The following CDH18 variants were observed in gnomAD, a reference collection of about 807,000 sequenced individuals.
The protein encoded by CDH18 is cadherin-18.
A neutral mutation model predicts 67.9 loss-of-function variants in CDH18; 31 were observed. That is an observed-to-expected ratio of 0.46 (90% CI 0.34 to 0.62). CDH18 has a LOEUF of 0.62. Among genes scored for constraint, CDH18 ranks in the 20% least tolerant of loss-of-function variants. The pLI is 0.01. For missense variants in CDH18, 890 were observed against 975.5 expected (o/e 0.91, Z 1.17); for synonymous variants, 362 against 347.2 (o/e 1.04, Z -0.48).
chr5:19,485,637 T>C (rs986845798), intron 11 of CDH18, among the ~76,000 whole-genome samples: 1 of 152,120 alleles, frequency 6.6e-6, no homozygotes, highest in African/African-American at 2.4e-5. Flanking sequence ...AATTTATCAG[T>C]CATGTTTACT....
At chr5:20,060,453 G>A (rs1742368914) in intron 2 of CDH18, among the ~76,000 whole-genome samples, 1 of 151,712 alleles carries the variant, frequency 6.6e-6, no homozygotes, top group Admixed American at 6.6e-5. Context: ...GACAAAGCGA[G>A]ATTCTGTCTC....
chr5:20,500,411 T>C lies in CDH18; in HGVS notation c.-580+75051A>G, dbSNP rs553004456. On this transcript the variant is annotated intron_variant, in intron 1 of 14. Transcript: ENST00000507958. Reference sequence around the variant, plus strand: ...CAAGGAAACAAATTCTAATATTTAATATACCAAATATCCCTGGACTATAAC... The same window carrying C: ...CAAGGAAACAAATTCTAATATTTAACATACCAAATATCCCTGGACTATAAC... Among the ~76,000 whole-genome samples the C allele has an allele frequency of 1.1e-4, 17 of 152,280 alleles. No individual in the cohort carries two copies. The East Asian group carries it at 2.3e-3, about 21-fold the overall frequency.
chr5:20,252,713 G>A (rs983690468), intron 2 of CDH18, among the ~76,000 whole-genome samples: 2 of 151,938 alleles, frequency 1.3e-5, no homozygotes, highest in African/African-American at 4.8e-5. Flanking sequence ...AGAGGCGGGC[G>A]GATCACGAGG....
In CDH18 at chr5:19,871,477, C is replaced by T. The variant is rs1480723113; in HGVS notation, c.-256-32235G>A. ...CAAAGCAAAGCGAAATGAAATAGCA[C>T]ATAGCGTTTGAATGCAGACTCCAGA... On this transcript the variant is annotated intron_variant, in intron 2 of 12. Transcript: ENST00000382275. Among the ~76,000 whole-genome samples, 6 of 152,146 alleles carry T rather than the reference C, an allele frequency of 3.9e-5. 1 individual carries two copies. Among genetic ancestry groups the T allele is most frequent in the Non-Finnish European group, 5.9e-5 (4 of 68,022 alleles).
intron 9 of CDH18, among the ~76,000 whole-genome samples, chr5:19,537,405 C>A (rs189322643): frequency 2.6e-5 from 4 of 152,068 alleles, no homozygotes. Context: ...ATTTATCAAT[C>A]TATTTCCAGA....
At chr5:19,965,569 T>C (rs185420238) in intron 2 of CDH18, among the ~76,000 whole-genome samples, 1 of 152,208 alleles carries the variant, frequency 6.6e-6, no homozygotes, top group African/African-American at 2.4e-5. Flanking sequence ...AAAATATCTA[T>C]TAAAGTTGAA....
At chr5:19,936,574 G>T (rs1794291624) in intron 2 of CDH18, among the ~76,000 whole-genome samples, 1 of 150,884 alleles carries the variant, frequency 6.6e-6, no homozygotes, top group Non-Finnish European at 1.5e-5. Flanking sequence ...ATAATTAATA[G>T]ATACTACAAA....
At chr5:19,852,964 A>G (rs955649378) in intron 2 of CDH18, among the ~76,000 whole-genome samples, 1 of 152,072 alleles carries the variant, frequency 6.6e-6, no homozygotes, top group Non-Finnish European at 1.5e-5. Context: ...TTACTTCCAT[A>G]TCCCACTGAA....
At chr5:20,425,797 T>G (rs1403476206) in intron 1 of CDH18, among the ~76,000 whole-genome samples, 1 of 151,140 alleles carries the variant, frequency 6.6e-6, no homozygotes, top group Admixed American at 6.6e-5. Context: ...CCATACATAT[T>G]AATATTTTGA....
At chr5:20,220,397 A>C (rs1388368960) in intron 2 of CDH18, among the ~76,000 whole-genome samples, 1 of 152,064 alleles carries the variant, frequency 6.6e-6, no homozygotes, top group African/African-American at 2.4e-5. Flanking sequence ...GCTTTTATAC[A>C]TAGTGCTGAG....
chr5:19,808,205 A>T (rs1778227511), intron 3 of CDH18, among the ~76,000 whole-genome samples: 1 of 152,076 alleles, frequency 6.6e-6, no homozygotes, highest in Non-Finnish European at 1.5e-5. Flanking sequence ...TATGTTGCAT[A>T]AGAAACAAAG....
rs534149850 is a variant in CDH18, at chr5:20,153,723, T to C, written c.-518+101721A>G. 3.0e-4 allele frequency among the ~76,000 whole-genome samples: 45 copies of C among 152,280 alleles called. 1 individual carries two copies. The highest frequency in any genetic ancestry group is 6.8e-3 in the Middle Eastern group (2 of 294). On this transcript the variant is annotated intron_variant, in intron 2 of 14. Coordinates refer to the CDH18 transcript ENST00000507958. ...TTCACAGTGTGTCCTCACATGGCCT[T>C]TCCTTTATACATGCATCAAGAGAGA...
intron 9 of CDH18, among the ~76,000 whole-genome samples, chr5:19,524,423 T>A (rs1044356189): frequency 3.7e-4 from 56 of 151,372 alleles, no homozygotes; most frequent in Non-Finnish European, 7.4e-4. Flanking sequence ...TAACATTAAA[T>A]ATCACTTTAT....
At chr5:19,907,938 G>T (rs1218720324) in intron 2 of CDH18, among the ~76,000 whole-genome samples, 1 of 151,768 alleles carries the variant, frequency 6.6e-6, no homozygotes, top group East Asian at 1.9e-4. Flanking sequence ...TTAGCAACCT[G>T]GTATATATAC....
rs138593205 is a variant in CDH18 at position 20,393,017 on chromosome 5, A to G, written c.-579-137512T>C. Among the ~76,000 whole-genome samples, 306 of 152,040 alleles carry G rather than the reference A, an allele frequency of 2.0e-3. 1 individual carries two copies. The highest frequency in any genetic ancestry group is 7.1e-3 in the African/African-American group (297 of 41,556). On this transcript the variant is annotated intron_variant, in intron 1 of 14. Coordinates refer to the CDH18 transcript ENST00000507958. ...ATTTCTATCATGATTATTATCCAGA[A>G]TGATATTCATACAATAAGGACTTAC...
At chr5:20,496,176 T>C (rs1753894256) in intron 1 of CDH18, among the ~76,000 whole-genome samples, 1 of 152,102 alleles carries the variant, frequency 6.6e-6, no homozygotes, top group Admixed American at 6.6e-5. Flanking sequence ...ACAGGACTTA[T>C]CTTTGTGATA....
chr5:20,428,670 T>C (rs761812450), intron 1 of CDH18, among the ~76,000 whole-genome samples: 15 of 152,210 alleles, frequency 9.9e-5, no homozygotes, highest in Non-Finnish European at 1.9e-4. Flanking sequence ...GTCGTGGTTT[T>C]GATTTGCACT....
At chr5:19,907,806 A>G (rs1790690364) in intron 2 of CDH18, among the ~76,000 whole-genome samples, 1 of 152,068 alleles carries the variant, frequency 6.6e-6, no homozygotes, top group South Asian at 2.1e-4. Flanking sequence ...TACTTAGTGA[A>G]TTTTCTAAAT....
intron 5 of CDH18, among the ~76,000 whole-genome samples, chr5:19,628,676 A>ACATAATCCAAATAAT (rs1263446992): frequency 6.6e-6 from 1 of 152,024 alleles, no homozygotes; most frequent in East Asian, 1.9e-4. Flanking sequence ...TTTTGGATCT[A>ACATAATCCAAATAAT]CTCTGAGATT....
Sources: gnomAD v4.1 joint callset for allele counts (sites outside exome capture counted in the v4.1 genomes callset) on GRCh38, gnomAD v4.1.1 for gene constraint, MANE v1.5 for transcripts, NCBI Gene and HGNC (gene_info 2026-07-23, HGNC 2026-07-21) for gene names.